ZFAT: variants seen among roughly 807,000 people sequenced by gnomAD.
ZFAT encodes zinc finger and AT-hook domain containing, also known as zinc finger protein ZFAT.
A neutral mutation model predicts 117.7 loss-of-function variants in ZFAT; 64 were observed. That is an observed-to-expected ratio of 0.54 (90% confidence interval 0.44 to 0.67). The LOEUF is 0.67. Among genes scored for constraint, ZFAT ranks in the 30% least tolerant of loss-of-function variants. The pLI, the probability that ZFAT is intolerant of heterozygous loss-of-function variation, is 0.00. For missense variants in ZFAT, 1,433 were observed against 1,584.5 expected (o/e 0.90, Z 1.62); for synonymous variants, 679 against 615.0 (o/e 1.10, Z -1.54).
the ZFAT span, among the ~76,000 whole-genome samples, chr8:134,772,589 C>T: frequency 6.6e-6 from 1 of 152,152 alleles, no homozygotes; most frequent in South Asian, 2.1e-4. Context: ...ATCCCCATAC[C>T]ATAAAAGTGC....
the ZFAT span, among the ~76,000 whole-genome samples, chr8:134,742,282 T>C: frequency 7.9e-5 from 12 of 152,204 alleles, no homozygotes; most frequent in East Asian, 2.3e-3. Context: ...GTCATCTAGG[T>C]TATATCAAGC....
chr8:134,587,373 G>A (rs1031526785), intron 9 of ZFAT, among the ~76,000 whole-genome samples: 3 of 152,062 alleles, frequency 2.0e-5, no homozygotes, highest in African/African-American at 7.2e-5. Context: ...TGTCAGTTAC[G>A]ATTCTCATTA....
chr8:134,750,576 G>A, the ZFAT span, among the ~76,000 whole-genome samples: 1 of 152,088 alleles, frequency 6.6e-6, no homozygotes, highest in African/African-American at 2.4e-5. Context: ...ATAAAAAACT[G>A]TATATATTTA....
chr8:134,783,430 C>T, the ZFAT span, among the ~76,000 whole-genome samples: 3 of 152,126 alleles, frequency 2.0e-5, no homozygotes, highest in African/African-American at 7.2e-5. Flanking sequence ...GAATCTAACG[C>T]CTGATGATCT....
chr8:134,703,680 T>G (rs1419201333), intron 1 of ZFAT, among the ~76,000 whole-genome samples: 1 of 152,220 alleles, frequency 6.6e-6, no homozygotes. Context: ...TTGTGAAGAA[T>G]AAACTAAAGA....
intron 15 of ZFAT, among the ~76,000 whole-genome samples, chr8:134,490,765 A>C (rs928853232): frequency 6.6e-6 from 1 of 152,142 alleles, no homozygotes; most frequent in Admixed American, 6.5e-5. Context: ...CTGCATTCCT[A>C]AGTCCATAAA....
chr8:134,714,641 CT>C (rs980928032), upstream of ZFAT, among the ~76,000 whole-genome samples: 21 of 152,234 alleles, frequency 1.4e-4, no homozygotes, highest in Admixed American at 1.3e-3. Flanking sequence ...TAGCCTCCCC[CT>C]TCTTCATTTC....
chr8:134,680,476 G>C (rs962772201), intron 1 of ZFAT, among the ~76,000 whole-genome samples: 1 of 152,080 alleles, frequency 6.6e-6, no homozygotes, highest in East Asian at 1.9e-4. Context: ...ACATATTTGA[G>C]TACCTTTTTT....
intron 2 of ZFAT, among the ~76,000 whole-genome samples, chr8:134,646,157 C>T (rs1439528726): frequency 3.9e-5 from 6 of 151,998 alleles, no homozygotes; most frequent in Non-Finnish European, 8.8e-5. Context: ...TGCAGTGAGC[C>T]GAGATCACGC....
chr8:134,715,769 C>T (rs1814204225), upstream of ZFAT, among the ~76,000 whole-genome samples: 1 of 151,944 alleles, frequency 6.6e-6, no homozygotes, highest in African/African-American at 2.4e-5. Flanking sequence ...ATAAATTTAT[C>T]GACATGAAAT....
At chr8:134,551,053 A>G (rs937534328) in intron 11 of ZFAT, among the ~76,000 whole-genome samples, 4 of 152,210 alleles carry the variant, frequency 2.6e-5, no homozygotes, top group African/African-American at 9.7e-5. Flanking sequence ...CAGCATTTTG[A>G]TTGAAGATTT....
intron 15 of ZFAT, among the ~76,000 whole-genome samples, chr8:134,484,989 C>G (rs1206219075): frequency 1.3e-5 from 2 of 152,076 alleles, no homozygotes; most frequent in Non-Finnish European, 2.9e-5. Flanking sequence ...ATGATGGAGA[C>G]ATCATCATCA....
At chr8:134,499,811 C>G (rs1440975949) in intron 15 of ZFAT, among the ~76,000 whole-genome samples, 3 of 152,154 alleles carry the variant, frequency 2.0e-5, no homozygotes, top group African/African-American at 7.2e-5. Flanking sequence ...CATTTGAGGC[C>G]CCTTGTGAAG....
intron 3 of ZFAT, among the ~76,000 whole-genome samples, chr8:134,631,056 C>A (rs1444520269): frequency 6.6e-6 from 1 of 152,184 alleles, no homozygotes; most frequent in Non-Finnish European, 1.5e-5. Flanking sequence ...AGAGCTTCAA[C>A]CGTGGCTGGA....
chr8:134,800,492 T>C, the ZFAT span: 1 of 492,394 alleles, frequency 2.0e-6, no homozygotes, highest in Admixed American at 2.1e-5. Flanking sequence ...TCTTGCCAAA[T>C]CTTTTATCAA....
chr8:134,479,950 CTTTTTT>C (rs35032412), intron 15 of ZFAT, among the ~76,000 whole-genome samples: 1 of 123,326 alleles, frequency 8.1e-6, no homozygotes, highest in Non-Finnish European at 1.7e-5. Context: ...TTCAACCACA[CTTTTTT>C]TTTTTTTTTT....
intron 12 of ZFAT, among the ~76,000 whole-genome samples, chr8:134,529,730 G>T (rs183075103): frequency 6.6e-6 from 1 of 152,162 alleles, no homozygotes; most frequent in African/African-American, 2.4e-5. Context: ...CCCGCTCCAC[G>T]TTGAGGGACA....
At chr8:134,644,839 A>G (rs1830786791) in intron 2 of ZFAT, among the ~76,000 whole-genome samples, 2 of 152,176 alleles carry the variant, frequency 1.3e-5, no homozygotes, top group Non-Finnish European at 2.9e-5. Flanking sequence ...ACACACGTGC[A>G]CACTCACACA....
chr8:134,787,605 C>T, the ZFAT span, among the ~76,000 whole-genome samples: 2 of 152,082 alleles, frequency 1.3e-5, no homozygotes, highest in African/African-American at 2.4e-5. Flanking sequence ...AATCACAGGT[C>T]TTATGTCTGT....
Sources: allele counts gnomAD v4.1 joint callset (sites outside exome capture counted in the v4.1 genomes callset), GRCh38; gene constraint gnomAD v4.1.1; transcripts MANE v1.5; gene names NCBI Gene and HGNC (gene_info 2026-07-23, HGNC 2026-07-21).